ANO2: variants seen among roughly 807,000 people sequenced by gnomAD.
ANO2 encodes the protein anoctamin-2.
A neutral mutation model predicts 124.2 loss-of-function variants in ANO2; 101 were observed. The observed-to-expected ratio is 0.81, with a 90% CI of 0.69 to 0.96. The LOEUF is 0.96. Ranked by LOEUF, ANO2 falls within the 40% of genes least tolerant of loss-of-function variation. ANO2 has a pLI of 0.00. For missense variants in ANO2, 1,293 were observed against 1,274.5 expected (o/e 1.01, Z -0.22); for synonymous variants, 486 against 482.5 (o/e 1.01, Z -0.09).
At chr12:5,624,341 T>A (rs1206846815) in intron 16 of ANO2, among the ~76,000 whole-genome samples, 1 of 152,074 alleles carries the variant, frequency 6.6e-6, no homozygotes, top group East Asian at 1.9e-4. Flanking sequence ...TCCTCCTATA[T>A]CCAGCACCTA....
chr12:5,677,715 A>T (rs1463470724), intron 14 of ANO2, among the ~76,000 whole-genome samples: 1 of 152,184 alleles, frequency 6.6e-6, no homozygotes, highest in African/African-American at 2.4e-5. Flanking sequence ...CCCAAAGGAA[A>T]TGACTACCAG....
intron 14 of ANO2, among the ~76,000 whole-genome samples, chr12:5,657,064 T>G (rs773678575): frequency 4.6e-5 from 7 of 152,052 alleles, no homozygotes; most frequent in Admixed American, 3.3e-4. Flanking sequence ...AGGACAGGGT[T>G]TCTGAAGGAA....
chr12:5,893,445 ATTTCT>A (rs1210941829), intron 3 of ANO2, among the ~76,000 whole-genome samples: 2 of 150,768 alleles, frequency 1.3e-5, no homozygotes, highest in Admixed American at 6.6e-5. Context: ...CTGAAGAGAC[ATTTCT>A]TTTCTTTATT....
chr12:5,613,791 T>C lies in ANO2; in HGVS notation c.1929-833A>G, dbSNP rs112237728. 2.2e-3 allele frequency among the ~76,000 whole-genome samples: 332 copies of C among 152,352 alleles called. 2 individuals carry two copies. Among genetic ancestry groups the C allele is most frequent in the African/African-American group, 7.7e-3 (319 of 41,582 alleles). ...TGATAGTGTGCTGTTGCTAAGGCTA[T>C]CTCTTCTAGTATAGCACAGTTCTTC... On this transcript the variant is annotated intron_variant, in intron 17 of 24. Coordinates refer to ENST00000682330, the MANE Select transcript of ANO2 (RefSeq NM_001364791.2).
At chr12:5,688,990 G>C (rs891491850) in intron 14 of ANO2, among the ~76,000 whole-genome samples, 2 of 151,962 alleles carry the variant, frequency 1.3e-5, no homozygotes, top group African/African-American at 4.8e-5. Flanking sequence ...GGAGGAATGA[G>C]GAAAGAGAAG....
intron 20 of ANO2, among the ~76,000 whole-genome samples, chr12:5,587,253 T>C (rs1286652942): frequency 6.6e-6 from 1 of 152,240 alleles, no homozygotes; most frequent in Non-Finnish European, 1.5e-5. Context: ...GTGAGTATCA[T>C]GACCCTGGGC....
chr12:5,873,244 T>TCTCTCTCTCTCTCTCTCTCTCTCTCC (rs1253108658), intron 3 of ANO2, among the ~76,000 whole-genome samples: 9 of 141,816 alleles, frequency 6.3e-5, no homozygotes, highest in African/African-American at 2.6e-4. Flanking sequence ...TCTCTCTCTC[T>TCTCTCTCTCTCTCTCTCTCTCTCTCC]CTGTCTGTCT....
At chr12:5,946,088 C>G (rs1447602696), upstream of ANO2, 30 of 1,581,476 alleles carry the variant, frequency 1.9e-5, no homozygotes, top group African/African-American at 1.5e-4. This position sits in a 1 kb window ranked among gnomAD's most constrained non-coding sequence, Gnocchi z 4.1. Flanking sequence ...TCATTAATAC[C>G]ATGGACCCCC....
chr12:5,772,227 T>C (rs773274566), intron 10 of ANO2, among the ~76,000 whole-genome samples: 59 of 152,286 alleles, frequency 3.9e-4, no homozygotes, highest in Non-Finnish European at 5.4e-4. Context: ...ATAAACTGCA[T>C]ACAACTGATG....
chr12:5,628,690 G>A (rs553055466), intron 16 of ANO2, among the ~76,000 whole-genome samples: 93 of 151,168 alleles, frequency 6.2e-4, no homozygotes, highest in African/African-American at 1.7e-3. Context: ...GTGTGTGTGC[G>A]CGCGCGCACG....
chr12:5,823,644 C>T (rs1025890827), intron 7 of ANO2, among the ~76,000 whole-genome samples: 3 of 152,216 alleles, frequency 2.0e-5, no homozygotes, highest in African/African-American at 7.2e-5. Flanking sequence ...AGGCACACAG[C>T]GCAAGCTGTC....
intron 14 of ANO2, among the ~76,000 whole-genome samples, chr12:5,725,584 C>A (rs1422714576): frequency 6.6e-6 from 1 of 152,142 alleles, no homozygotes; most frequent in Non-Finnish European, 1.5e-5. Context: ...TGATGGGAGC[C>A]TGGGGGGCAG....
chr12:5,728,505 G>A lies in ANO2; in HGVS notation c.1545+4015C>T, dbSNP rs996289832. Among the ~76,000 whole-genome samples the A allele has an allele frequency of 1.2e-4, 18 of 152,084 alleles. No individual in the cohort carries two copies. In the East Asian group the frequency reaches 1.5e-3, roughly 13 times the overall value. On this transcript the variant is annotated intron_variant, in intron 14 of 24. Transcript: ENST00000682330. The stretch of plus-strand genomic sequence containing the variant: ...ATTGTTGAAAAAATAAAAGGTCTAC[G>A]TAAATAGAAAGATATACCACATTCA...
At chr12:5,778,580 T>C (rs938566102) in intron 10 of ANO2, among the ~76,000 whole-genome samples, 19 of 152,226 alleles carry the variant, frequency 1.2e-4, no homozygotes, top group Non-Finnish European at 2.2e-4. Context: ...ATAGATGGCA[T>C]AGCATAATGT....
At chr12:5,643,198 C>T (rs538253003) in intron 15 of ANO2, among the ~76,000 whole-genome samples, 1 of 152,272 alleles carries the variant, frequency 6.6e-6, no homozygotes, top group Admixed American at 6.5e-5. Context: ...TCCTTTGGAT[C>T]CAACCACTGT....
At chr12:5,720,006 T>C (rs1365971523) in intron 14 of ANO2, among the ~76,000 whole-genome samples, 1 of 152,222 alleles carries the variant, frequency 6.6e-6, no homozygotes, top group Non-Finnish European at 1.5e-5. Context: ...AAGGACATTT[T>C]TTTTTTCAAG....
chr12:5,624,241 G>GGA lies in ANO2; in HGVS notation c.1817-8946_1817-8945dup, dbSNP rs371489925. On this transcript the variant is annotated intron_variant, in intron 16 of 24. Transcript: ENST00000682330. The stretch of plus-strand genomic sequence containing the variant: ...GGGACCTAAACAGGAAGGGAGCACT[G>GGA]GAGAGAGAGAGAGAGAGAGAAACAG... Among the ~76,000 whole-genome samples the GGA allele has an allele frequency of 2.7e-3, 407 of 149,132 alleles. 5 individuals are homozygous for GGA. The highest frequency in any genetic ancestry group is 3.8e-3 in the Non-Finnish European group (258 of 67,372).
intron 3 of ANO2, among the ~76,000 whole-genome samples, chr12:5,920,429 T>C (rs957898225): frequency 4.6e-5 from 7 of 152,058 alleles, no homozygotes; most frequent in African/African-American, 7.2e-5. Flanking sequence ...AAGAAATTTC[T>C]TGCCTTTAAT....
intron 14 of ANO2, among the ~76,000 whole-genome samples, chr12:5,717,356 G>A (rs147158440): frequency 2.0e-5 from 3 of 152,300 alleles, no homozygotes; most frequent in Non-Finnish European, 4.4e-5. Context: ...TCTTCTAATC[G>A]TACCTCAGGG....
Sources: allele counts gnomAD v4.1 joint callset (sites outside exome capture counted in the v4.1 genomes callset), GRCh38; gene constraint gnomAD v4.1.1; non-coding constraint Gnocchi (gnomAD v3.1); transcripts MANE v1.5; gene names NCBI Gene and HGNC (gene_info 2026-07-23, HGNC 2026-07-21).